ISX: variants seen among roughly 807,000 people sequenced by gnomAD.
ISX encodes intestine specific homeobox.
ISX carries 15 observed loss-of-function variants against 16.9 expected under a neutral mutation model. The ratio of observed to expected loss-of-function variants is 0.89; its 90% confidence interval spans 0.59 to 1.36. The LOEUF is 1.36. ISX is among the 40% of genes most tolerant of loss of function. The pLI is 0.00. For synonymous variants in ISX, 125 were observed against 119.7 expected (o/e 1.04, Z -0.29); for missense variants, 316 against 306.1 (o/e 1.03, Z -0.24).
chr22:35,072,638 C>G (rs4820176), intron 2 of ISX, among the ~76,000 whole-genome samples: 65,469 of 151,942 alleles, frequency 0.43, 14,599 homozygotes, highest in East Asian at 0.79. Context: ...TCCAAATGGG[C>G]AGAGGAGGAG....
intron 2 of ISX, among the ~76,000 whole-genome samples, chr22:35,076,045 T>G (rs1928971859): frequency 6.6e-6 from 1 of 152,120 alleles, no homozygotes. Flanking sequence ...GAAAATTTTT[T>G]TTTACAAATA....
At chr22:35,081,960 A>C (rs1308559585) in intron 2 of ISX, among the ~76,000 whole-genome samples, 1 of 152,246 alleles carries the variant, frequency 6.6e-6, no homozygotes, top group African/African-American at 2.4e-5. Flanking sequence ...AGTTGGAGAC[A>C]GGCTGTCAAC....
chr22:35,085,202 G>T (rs1929220772), intron 4 of ISX, among the ~76,000 whole-genome samples: 1 of 152,130 alleles, frequency 6.6e-6, no homozygotes, highest in South Asian at 2.1e-4. Flanking sequence ...CAAAACAATT[G>T]TAAGTACCAG....
chr22:35,084,680 T>G (rs1434873265), intron 4 of ISX, among the ~76,000 whole-genome samples, 181 bp downstream of exon 4: 5 of 152,228 alleles, frequency 3.3e-5, no homozygotes, highest in Non-Finnish European at 7.3e-5. Flanking sequence ...CTGGGACAAG[T>G]GGCTGCCTGT....
rs766580381 is a variant in ISX at position 35,082,471 on chromosome 22, T to G, written c.230-47T>G. 1.9e-6 allele frequency: 3 copies of G among 1,599,032 alleles called. No homozygotes were observed. In the African/African-American group the frequency reaches 4.0e-5, roughly 21 times the overall value. On this transcript the variant is annotated intron_variant, in intron 2 of 4. Coordinates refer to ENST00000404699, the MANE Select transcript of ISX (RefSeq NM_001303508.2). ...AGGCAACACAAAAACCCCACCTAGG[T>G]GCTGACACCAAGGCCACTGACACAA...
intron 4 of ISX, among the ~76,000 whole-genome samples, chr22:35,084,942 G>A (rs567973965): frequency 1.3e-5 from 2 of 152,230 alleles, no homozygotes; most frequent in South Asian, 4.1e-4. Flanking sequence ...GAGATGTAGA[G>A]GATGCTTAGC....
At chr22:35,072,161 T>C (rs534287018) in intron 2 of ISX, among the ~76,000 whole-genome samples, 1 of 152,332 alleles carries the variant, frequency 6.6e-6, no homozygotes, top group East Asian at 1.9e-4. Flanking sequence ...ACCAGAGCTA[T>C]GGGGACCTTC....
At chr22:35,082,321 G>A (rs542270332) in intron 2 of ISX, among the ~76,000 whole-genome samples, 197 bp from the exon 3 acceptor site, 1 of 152,260 alleles carries the variant, frequency 6.6e-6, no homozygotes, top group Non-Finnish European at 1.5e-5. Context: ...TGGCCTCAAT[G>A]TCCATGGTGG....
intron 2 of ISX, among the ~76,000 whole-genome samples, chr22:35,071,595 C>A (rs1928854607): frequency 6.6e-6 from 1 of 152,116 alleles, no homozygotes; most frequent in South Asian, 2.1e-4. Flanking sequence ...TAGGGCCCAC[C>A]CTAAATCAGC....
intron 2 of ISX, among the ~76,000 whole-genome samples, chr22:35,074,502 C>T (rs915541961): frequency 2.0e-5 from 3 of 152,214 alleles, no homozygotes; most frequent in African/African-American, 7.2e-5. Flanking sequence ...AAAGAGGTTT[C>T]CTCCCCACTC....
chr22:35,070,925 C>A (rs1411936776), intron 2 of ISX, among the ~76,000 whole-genome samples: 1 of 152,242 alleles, frequency 6.6e-6, no homozygotes, highest in Non-Finnish European at 1.5e-5. Context: ...TCTATCACAG[C>A]TGAAACTCAT....
At chr22:35,072,061 G>A (rs1928868349) in intron 2 of ISX, among the ~76,000 whole-genome samples, 1 of 152,198 alleles carries the variant, frequency 6.6e-6, no homozygotes, top group African/African-American at 2.4e-5. Context: ...CGAGAACAGG[G>A]CAAAAGGATG....
chr22:35,067,080 GC>G lies in ISX; in HGVS notation c.-4del, dbSNP rs781433854. The G allele has an allele frequency of 6.2e-7, 1 of 1,608,178 alleles. No homozygotes were observed. The highest frequency in any genetic ancestry group is 8.5e-7 in the Non-Finnish European group (1 of 1,175,480). Reference sequence around the variant, plus strand: ...TTGGCCTACACAGAGTCACCCCTGAGCCCCTCAATGTGTGCTGAGGTGGGCC... The same window carrying G: ...TTGGCCTACACAGAGTCACCCCTGAGCCCTCAATGTGTGCTGAGGTGGGCC... On this transcript the variant is annotated 5_prime_UTR_variant, in exon 2 of 5. Coordinates refer to ENST00000404699, the MANE Select transcript of ISX (RefSeq NM_001303508.2).
At chr22:35,074,726 A>G (rs921219784) in intron 2 of ISX, among the ~76,000 whole-genome samples, 1 of 152,242 alleles carries the variant, frequency 6.6e-6, no homozygotes, top group African/African-American at 2.4e-5. Flanking sequence ...CCCATTGAAC[A>G]GGAACAAGTT....
At chr22:35,079,043 C>G (rs1224161759) in intron 2 of ISX, among the ~76,000 whole-genome samples, 1 of 152,218 alleles carries the variant, frequency 6.6e-6, no homozygotes, top group Non-Finnish European at 1.5e-5. Context: ...CTTGGATTTT[C>G]TGATGTCCAG....
chr22:35,075,219 A>G (rs905620059), intron 2 of ISX, among the ~76,000 whole-genome samples: 4 of 152,204 alleles, frequency 2.6e-5, no homozygotes, highest in Non-Finnish European at 5.9e-5. Context: ...AGGAAAAGGA[A>G]AGCCTGTGAA....
At chr22:35,084,932 G>C (rs1929212831) in intron 4 of ISX, among the ~76,000 whole-genome samples, 1 of 152,112 alleles carries the variant, frequency 6.6e-6, no homozygotes, top group Non-Finnish European at 1.5e-5. Flanking sequence ...TGAAATAACT[G>C]AGATGTAGAG....
chr22:35,083,865 A>G (rs1482268908), intron 3 of ISX, among the ~76,000 whole-genome samples: 1 of 152,258 alleles, frequency 6.6e-6, no homozygotes, highest in Non-Finnish European at 1.5e-5. Flanking sequence ...AGGGACCATC[A>G]GCACCTGCTC....
At chr22:35,068,911 A>G (rs1044150675) in intron 2 of ISX, among the ~76,000 whole-genome samples, 5 of 152,250 alleles carry the variant, frequency 3.3e-5, no homozygotes, top group Admixed American at 3.3e-4. Context: ...CACAAAAACT[A>G]TGTGAGTAAT....
Sources: gnomAD v4.1 joint callset for allele counts (sites outside exome capture counted in the v4.1 genomes callset) on GRCh38, gnomAD v4.1.1 for gene constraint, MANE v1.5 for transcripts, NCBI Gene and HGNC (gene_info 2026-07-23, HGNC 2026-07-21) for gene names.